The following CACNA1D variants were observed in gnomAD, a reference collection of about 807,000 sequenced individuals.
CACNA1D encodes the protein calcium voltage-gated channel subunit alpha1 D.
A neutral mutation model predicts 257.1 loss-of-function variants in CACNA1D; 55 were observed. That is an observed-to-expected ratio of 0.21 (90% CI 0.17 to 0.27). The LOEUF (loss-of-function observed/expected upper bound fraction) is 0.27. CACNA1D is among the 10% of genes least tolerant of loss of function. The probability of loss-of-function intolerance (pLI) is 1.00; values close to 1 mark genes in which losing one functional copy is unlikely to be tolerated. For missense variants in CACNA1D, 1,876 were observed against 2,784.0 expected (o/e 0.67, Z 7.34); for synonymous variants, 980 against 1,014.9 (o/e 0.97, Z 0.65).
At position 53,776,680 on chromosome 3, in the gene CACNA1D, C is replaced by T; in HGVS notation, c.4440C>T (p.His1480=). Residue 1480 remains histidine, a synonymous_variant, in exon 36 of 48, where the codon CAC becomes CAT. Coordinates refer to ENST00000350061, the MANE Select transcript of CACNA1D (RefSeq NM_001128840.3). The part of the protein sequence containing the change: ...LTRDWSILGP[H]HLDEFKRIWS... Reference sequence around the variant, plus strand: ...GGGACTGGTCTATTTTGGGGCCTCACCATTTAGATGAATTCAAAAGAATAT... The same window carrying T: ...GGGACTGGTCTATTTTGGGGCCTCATCATTTAGATGAATTCAAAAGAATAT... 2 of 1,614,138 alleles carry T rather than the reference C, an allele frequency of 1.2e-6. No homozygotes were observed. Among genetic ancestry groups the T allele is most frequent in the African/African-American group, 2.7e-5 (2 of 75,010 alleles).
intron 3 of CACNA1D, among the ~76,000 whole-genome samples, chr3:53,579,431 C>T (rs948494819): frequency 1.3e-5 from 2 of 151,954 alleles, no homozygotes; most frequent in African/African-American, 4.8e-5. Flanking sequence ...TATAGGGCAC[C>T]CCAGTTAAAG....
At chr3:53,703,396 C>T (rs1025752319) in intron 9 of CACNA1D, among the ~76,000 whole-genome samples, 1 of 152,228 alleles carries the variant, frequency 6.6e-6, no homozygotes, top group Admixed American at 6.5e-5. Context: ...CACACTGTGA[C>T]ACTAAGCACC....
At chr3:53,715,000 T>A (rs2094803476) in intron 9 of CACNA1D, among the ~76,000 whole-genome samples, 1 of 152,252 alleles carries the variant, frequency 6.6e-6, no homozygotes, top group African/African-American at 2.4e-5. Flanking sequence ...GTCTTTGTTA[T>A]ACCCACTGAG....
At chr3:53,808,270 C>T (rs564915948) in intron 45 of CACNA1D, 20 of 271,464 alleles carry the variant, frequency 7.4e-5, no homozygotes, top group Admixed American at 3.4e-4. Context: ...AAATAGTAGC[C>T]GGGCGTGGTG....
chr3:53,660,380 G>C (rs2094191639), intron 5 of CACNA1D, 105 bp downstream of exon 5: 1 of 1,095,826 alleles, frequency 9.1e-7, no homozygotes, highest in Non-Finnish European at 1.4e-6. Context: ...TGCCAGCCAG[G>C]GGTCAGCAGA....
chr3:53,597,783 CT>C (rs2093389475), intron 3 of CACNA1D, among the ~76,000 whole-genome samples: 4 of 152,170 alleles, frequency 2.6e-5, no homozygotes, highest in Admixed American at 2.6e-4. Context: ...CAACTCCAGC[CT>C]TTCATCTCAC....
chr3:53,585,637 CGGCCCTGTT>C lies in CACNA1D; in HGVS notation c.484-65141_484-65133del, dbSNP rs112344772. Among the ~76,000 whole-genome samples the C allele has an allele frequency of 5.6e-3, 855 of 152,180 alleles. 10 individuals carry two copies. The highest frequency in any genetic ancestry group is 0.019 in the African/African-American group (791 of 41,498). ...GTGAAGACCTTGTCCTTGTCTGGGGCGGCCCTGTTTCCCACTGTGCTGTGGTCTGAACCT... is the reference window on the plus strand; with the variant it reads ...GTGAAGACCTTGTCCTTGTCTGGGGCTCCCACTGTGCTGTGGTCTGAACCT... On this transcript the variant is annotated intron_variant, in intron 3 of 47. Transcript: ENST00000350061.
intron 4 of CACNA1D, among the ~76,000 whole-genome samples, chr3:53,652,904 G>A (rs1219044017): frequency 6.6e-6 from 1 of 152,194 alleles, no homozygotes; most frequent in African/African-American, 2.4e-5. Flanking sequence ...CTGCTCTAGA[G>A]TACAGAGACT....
At chr3:53,537,565 T>A (rs1232568875) in intron 3 of CACNA1D, among the ~76,000 whole-genome samples, 6 of 152,228 alleles carry the variant, frequency 3.9e-5, no homozygotes, top group African/African-American at 1.4e-4. Context: ...AAATAATAAT[T>A]CCTTAGTGTA....
rs920331494 is a variant in CACNA1D at position 53,789,855 on chromosome 3, T to C, written c.4923+2903T>C. ...ATACGCACTGTGGTTTTGAACCCTG[T>C]GGGCTCCATCTGATCTCCCTGTGTT... On this transcript the variant is annotated intron_variant, in intron 40 of 47. Transcript: ENST00000350061. The surrounding 1 kb of genome is among the most constrained non-coding windows in gnomAD (Gnocchi z 4.2). Among the ~76,000 whole-genome samples the C allele has an allele frequency of 4.6e-5, 7 of 152,202 alleles. No individual in the cohort carries two copies. The highest frequency in any genetic ancestry group is 1.7e-4 in the African/African-American group (7 of 41,452).
chr3:53,670,434 T>G (rs1358602675), intron 7 of CACNA1D, among the ~76,000 whole-genome samples: 1 of 152,204 alleles, frequency 6.6e-6, no homozygotes, highest in Non-Finnish European at 1.5e-5. Flanking sequence ...AACCTCTGCC[T>G]CCGGGGTTCA....
At position 53,800,413 on chromosome 3, in the gene CACNA1D, G is replaced by A. The variant is rs759778489; in HGVS notation, c.5040+48G>A. On this transcript the variant is annotated intron_variant, in intron 41 of 47. Transcript: ENST00000350061. This position sits in a 1 kb window ranked among gnomAD's most constrained non-coding sequence, Gnocchi z 4.3. The stretch of plus-strand genomic sequence containing the variant: ...CACACTGGCCATCTGGAAATAGCAG[G>A]GCAGGACTCCAGTTTGGGCAGTTAA... 1 of 1,245,528 alleles carries A rather than the reference G, an allele frequency of 8.0e-7. No individual in the cohort carries two copies. Among genetic ancestry groups the A allele is most frequent in the East Asian group, 2.3e-5 (1 of 43,304 alleles). 77.2% of individuals were successfully genotyped at this position (1,245,528 alleles called of 1,614,324 possible). A position where few individuals can be genotyped will look rare whatever the true frequency, so the allele number is the denominator to read the frequency against.
At chr3:53,711,557 T>G (rs886215515) in intron 9 of CACNA1D, among the ~76,000 whole-genome samples, 1 of 152,170 alleles carries the variant, frequency 6.6e-6, no homozygotes, top group African/African-American at 2.4e-5. Flanking sequence ...TCGGCCCTGG[T>G]CACCTGACTC....
rs147152219 is a variant in CACNA1D, at chr3:53,699,905, A to G, written c.1221-2736A>G. On this transcript the variant is annotated intron_variant, in intron 8 of 47. Transcript: ENST00000350061. Reference sequence around the variant, plus strand: ...CCTGTGTCCCAGCAGTGGAAAATGTACAACAGTGATGCAGCTTGTTAGAAA... The same window carrying G: ...CCTGTGTCCCAGCAGTGGAAAATGTGCAACAGTGATGCAGCTTGTTAGAAA... Among the ~76,000 whole-genome samples, 863 of 152,186 alleles carry G rather than the reference A, an allele frequency of 5.7e-3. 8 individuals are homozygous for G. The highest frequency in any genetic ancestry group is 0.02 in the African/African-American group (817 of 41,536).
At chr3:53,727,978 T>C (rs551059672) in intron 15 of CACNA1D, among the ~76,000 whole-genome samples, 1 of 152,266 alleles carries the variant, frequency 6.6e-6, no homozygotes, top group African/African-American at 2.4e-5. Flanking sequence ...TATACATCCT[T>C]GTAGTCCCTT....
chr3:53,687,908 T>C (rs2094487085), intron 8 of CACNA1D, among the ~76,000 whole-genome samples: 2 of 152,194 alleles, frequency 1.3e-5, no homozygotes, highest in Admixed American at 1.3e-4. Flanking sequence ...GATAGTACAA[T>C]AGCTAAAATC....
At chr3:53,731,874 C>G (rs1250093870) in intron 17 of CACNA1D, 142 bp from the exon 18 acceptor site, 1 of 704,522 alleles carries the variant, frequency 1.4e-6, no homozygotes, top group Non-Finnish European at 2.6e-6. Flanking sequence ...CTGGGGACAT[C>G]TGCCTGTCCC....
At chr3:53,526,377 G>A (rs2091766560) in intron 3 of CACNA1D, among the ~76,000 whole-genome samples, 1 of 152,196 alleles carries the variant, frequency 6.6e-6, no homozygotes, top group Admixed American at 6.5e-5. Context: ...ATTCCCACCT[G>A]ACATAGCCTT....
intron 3 of CACNA1D, among the ~76,000 whole-genome samples, chr3:53,610,536 C>A (rs1429502085): frequency 6.6e-6 from 1 of 151,944 alleles, no homozygotes; most frequent in Non-Finnish European, 1.5e-5. Flanking sequence ...TTATTTTGTC[C>A]AATATTAAGG....
Sources: gnomAD v4.1 joint callset for allele counts (sites outside exome capture counted in the v4.1 genomes callset) on GRCh38, gnomAD v4.1.1 for gene constraint, Gnocchi (gnomAD v3.1) non-coding constraint, MANE v1.5 for transcripts, NCBI Gene and HGNC (gene_info 2026-07-23, HGNC 2026-07-21) for gene names.